The following ZMYM6 variants were observed in gnomAD, a reference collection of about 807,000 sequenced individuals.
ZMYM6 encodes the protein zinc finger MYM-type containing 6.
In ZMYM6, 90 loss-of-function variants were observed where a neutral mutation model predicts 134.0. The ratio of observed to expected loss-of-function variants is 0.67; its 90% CI spans 0.57 to 0.80. ZMYM6 has a LOEUF of 0.80. Ranked by LOEUF, ZMYM6 falls within the 30% of genes least tolerant of loss-of-function variation. The pLI is 0.00. For missense variants in ZMYM6, 1,362 were observed against 1,533.9 expected, an observed-to-expected ratio of 0.89 and a Z score of 1.87; for synonymous variants, 481 against 524.1, an observed-to-expected ratio of 0.92 and a Z score of 1.12.
intron 2 of ZMYM6, among the ~76,000 whole-genome samples, chr1:35,022,105 T>G (rs192144990): frequency 4.2e-4 from 64 of 152,346 alleles, no homozygotes; most frequent in African/African-American, 1.4e-3. Context: ...TTGCATTAAT[T>G]CACCACTTCC....
At chr1:35,030,381 A>G in intron 2 of ZMYM6, 166 bp downstream of exon 2, 1 of 631,214 alleles carries the variant, frequency 1.6e-6, no homozygotes, top group Non-Finnish European at 2.7e-6. Flanking sequence ...GCAGTGAGCT[A>G]AGGAGATCGC....
intron 2 of ZMYM6, among the ~76,000 whole-genome samples, chr1:35,021,066 T>C (rs915234149): frequency 6.6e-6 from 1 of 151,898 alleles, no homozygotes; most frequent in African/African-American, 2.4e-5. Flanking sequence ...TGCTGAGCAC[T>C]ACCTATTTTT....
chr1:35,026,884 G>A (rs568617599), intron 2 of ZMYM6, among the ~76,000 whole-genome samples: 61 of 152,302 alleles, frequency 4.0e-4, no homozygotes, highest in African/African-American at 1.4e-3. Flanking sequence ...TCTGACTTCA[G>A]AGAGACTGCA....
At position 34,988,258 on chromosome 1, in the gene ZMYM6, ATTC is replaced by A. The variant is rs1285024210; in HGVS notation, c.2821_2823del (p.Glu941del). 4.5e-6 allele frequency: 7 copies of A among 1,550,274 alleles called. No individual in the cohort carries two copies. The highest frequency in any genetic ancestry group is 4.9e-5 in the East Asian group (2 of 40,914). On this transcript the variant is annotated inframe_deletion, in exon 16 of 16. Coordinates refer to ENST00000357182, the MANE Select transcript of ZMYM6 (RefSeq NM_007167.4). Reference sequence around the variant, plus strand: ...GTAGGCATTTCAATGCAAAATAATAATTCTTCTTTTACATCACGACAATCATAA... The same window carrying A: ...GTAGGCATTTCAATGCAAAATAATAATTCTTTTACATCACGACAATCATAA...
intron 14 of ZMYM6, among the ~76,000 whole-genome samples, chr1:35,000,547 T>C (rs113350669): frequency 0.018 from 2,670 of 152,206 alleles, 92 homozygotes; most frequent in African/African-American, 0.062. Flanking sequence ...CTGCAAAGAT[T>C]TTTAATAGCA....
At chr1:34,989,234 T>A (rs193021971) in intron 15 of ZMYM6, 1 of 1,087,068 alleles carries the variant, frequency 9.2e-7, no homozygotes, top group East Asian at 7.3e-5. Context: ...ATGATACACA[T>A]CAAATTAACA....
At chr1:35,030,084 T>C (rs1641491345) in intron 2 of ZMYM6, 1 of 154,332 alleles carries the variant, frequency 6.5e-6, no homozygotes. Flanking sequence ...GGTAAATATA[T>C]TACTTTCCTT....
chr1:35,012,682 G>A (rs936907347), intron 6 of ZMYM6, 101 bp from the exon 7 acceptor site: 11 of 1,491,928 alleles, frequency 7.4e-6, no homozygotes, highest in Non-Finnish European at 9.8e-6. Context: ...ACGGTCCTTG[G>A]TTGAAATATT....
chr1:35,019,176 C>T (rs1389156471), intron 4 of ZMYM6, 177 bp downstream of exon 4: 1 of 874,956 alleles, frequency 1.1e-6, no homozygotes, highest in African/African-American at 1.7e-5. Flanking sequence ...TATTCTAACA[C>T]CAAGTCACTT....
rs751490155 is a variant in ZMYM6 at position 35,012,025 on chromosome 1, A to C, written c.947-20T>G. On this transcript the variant is annotated intron_variant, in intron 7 of 15. Transcript: ENST00000357182. ...GGACACCTTGGTGACAAAAAATTAA[A>C]AACAATGATTAAGTTATACCAATGA... 2 of 1,487,142 alleles carry C rather than the reference A, an allele frequency of 1.3e-6. No individual in the cohort carries two copies. The highest frequency in any genetic ancestry group is 1.9e-6 in the Non-Finnish European group (2 of 1,077,266). The allele number at this position is 1,487,142 out of a possible 1,614,324, so 92.1% of individuals were successfully genotyped here.
Position 34,988,870 on chromosome 1 carries a change from A to C in ZMYM6, c.2212T>G (p.Leu738Val), listed in dbSNP as rs749553682. The C allele has an allele frequency of 3.1e-6, 5 of 1,610,584 alleles. No homozygotes were observed. In the South Asian group the frequency reaches 4.4e-5, roughly 14 times the overall value. Reference sequence around the variant, plus strand: ...GTATCATAAGTCTGGAAAAAACCTAATCTTTTTTTCTTTGAAGGTGGAGAA... The same window carrying C: ...GTATCATAAGTCTGGAAAAAACCTACTCTTTTTTTCTTTGAAGGTGGAGAA... ...LDSPPSKKKR[L>V]GFFQTYDTEY... The change falls in exon 16 of 16, where the codon TTA becomes GTA. Residue 738 changes from leucine to valine, a missense_variant. Transcript: ENST00000357182.
At chr1:34,992,462 T>A in intron 14 of ZMYM6, 75 bp from the exon 15 acceptor site, 1 of 1,482,170 alleles carries the variant, frequency 6.7e-7, no homozygotes, top group Non-Finnish European at 9.1e-7. Flanking sequence ...TTGCTATCAA[T>A]TGAAAGTTCA....
chr1:35,000,939 T>G (rs1640869759), intron 14 of ZMYM6, among the ~76,000 whole-genome samples: 1 of 152,172 alleles, frequency 6.6e-6, no homozygotes, highest in African/African-American at 2.4e-5. Flanking sequence ...CTATGGCCTG[T>G]GCACCACGTC....
intron 14 of ZMYM6, among the ~76,000 whole-genome samples, chr1:34,992,650 T>C (rs1448493455): frequency 2.0e-5 from 3 of 146,402 alleles, no homozygotes; most frequent in Non-Finnish European, 3.0e-5. Context: ...TATAAAAATA[T>C]ATTTATAAAC....
At chr1:34,995,444 G>C (rs1158918477) in intron 14 of ZMYM6, among the ~76,000 whole-genome samples, 2 of 151,592 alleles carry the variant, frequency 1.3e-5, no homozygotes, top group Non-Finnish European at 2.9e-5. Flanking sequence ...CTATGATAAA[G>C]TTTTATTTAT....
At chr1:35,007,581 C>G (rs1641007672) in intron 11 of ZMYM6, among the ~76,000 whole-genome samples, 1 of 151,186 alleles carries the variant, frequency 6.6e-6, no homozygotes, top group Non-Finnish European at 1.5e-5. Context: ...GAGTAAGACT[C>G]TGTCTCAATA....
chr1:35,005,718 G>A (rs539722838), intron 12 of ZMYM6, among the ~76,000 whole-genome samples: 1 of 150,698 alleles, frequency 6.6e-6, no homozygotes, highest in East Asian at 2.0e-4. Context: ...CTAGACCTAA[G>A]CATGCATCAG....
rs1392424265 is a variant in ZMYM6, at chr1:34,988,234, T to C, written c.2848A>G (p.Thr950Ala). The change falls in exon 16 of 16, where the codon ACT (threonine) becomes GCT (alanine). Residue 950 changes from threonine to alanine, a missense_variant. Thr to Ala is a moderately conservative substitution (Grantham distance 58). Transcript: ENST00000357182. ...AATATTTCAAAGCCAGTTATTTGAG[T>C]AGGCATTTCAATGCAAAATAATAAT... ...EELLFCIEMP[T>A]QITGFEIFEL... 3 of 1,549,428 alleles carry C rather than the reference T, an allele frequency of 1.9e-6. No homozygotes were observed. Among genetic ancestry groups the C allele is most frequent in the South Asian group, 1.2e-5 (1 of 83,510 alleles).
intron 4 of ZMYM6, chr1:35,018,233 A>G (rs570827937): frequency 6.6e-6 from 1 of 152,032 alleles, no homozygotes; most frequent in Non-Finnish European, 1.5e-5. Context: ...GGTCCCAGCT[A>G]TTTGAAAGGC....
Sources: gnomAD v4.1 joint callset for allele counts (sites outside exome capture counted in the v4.1 genomes callset) on GRCh38, gnomAD v4.1.1 for gene constraint, MANE v1.5 for transcripts, NCBI Gene and HGNC (gene_info 2026-07-23, HGNC 2026-07-21) for gene names.